Variants in RANBP3L observed in about 807,000 individuals in gnomAD.
The protein encoded by RANBP3L is ran-binding protein 3-like.
RANBP3L carries 56 observed loss-of-function variants against 67.2 expected under a neutral mutation model. The ratio of observed to expected loss-of-function variants is 0.83; its 90% CI spans 0.67 to 1.04. RANBP3L has a LOEUF of 1.04. Among genes scored for constraint, RANBP3L ranks in the 50% least tolerant of loss-of-function variants. The pLI is 0.00. For missense variants in RANBP3L, 496 were observed against 535.5 expected, an observed-to-expected ratio of 0.93 and a Z score of 0.73; for synonymous variants, 164 against 181.4, an observed-to-expected ratio of 0.90 and a Z score of 0.77.
At chr5:36,271,124 G>T in intron 2 of RANBP3L, 129 bp downstream of exon 2, 1 of 644,322 alleles carries the variant, frequency 1.6e-6, no homozygotes, top group Non-Finnish European at 2.8e-6. Context: ...AAATAATCTG[G>T]AGGCACTACT....
In RANBP3L at chr5:36,249,680, GAGT is replaced by G; in HGVS notation, c.1369_1371del (p.Thr457del). 6.4e-7 allele frequency: 1 copy of G among 1,556,460 alleles called. No homozygotes were observed. The highest frequency in any genetic ancestry group is 8.8e-7 in the Non-Finnish European group (1 of 1,138,514). ...CATGAACAGGCAACCGACTGTCTGT[GAGT>G]CCAACTAGAAGGATCTGTGATATAA... On this transcript the variant is annotated inframe_deletion, in exon 14 of 14. Transcript: ENST00000296604.
rs747744843 is a variant in RANBP3L, at chr5:36,266,272, TCTG to T, written c.269-755_269-753del. On this transcript the variant is annotated intron_variant, in intron 4 of 13. Transcript: ENST00000296604. ...TGAAGAAAGAAGTAAAGATGACAAATCTGCTAAGTTATTTTTCTACAAACATGT... is the reference window on the plus strand; with the variant it reads ...TGAAGAAAGAAGTAAAGATGACAAATCTAAGTTATTTTTCTACAAACATGT... Among the ~76,000 whole-genome samples, 11 of 152,252 alleles carry T rather than the reference TCTG, an allele frequency of 7.2e-5. No individual in the cohort carries two copies. The South Asian group carries it at 2.1e-3, about 29-fold the overall frequency.
Position 36,266,592 on chromosome 5 carries a change from T to C in RANBP3L, c.269-1072A>G, listed in dbSNP as rs888934101. On this transcript the variant is annotated intron_variant, in intron 4 of 13. Transcript: ENST00000296604. ...AACACCACTAACATTCTGCACAACA[T>C]AAAACAGAATGATAATCTTTCTTTT... Among the ~76,000 whole-genome samples the C allele has an allele frequency of 6.6e-5, 10 of 152,154 alleles. 1 individual carries two copies. The highest frequency in any genetic ancestry group is 3.8e-4 in the East Asian group (2 of 5,202).
intron 12 of RANBP3L, 23 bp downstream of exon 12, chr5:36,253,624 T>C (rs777427665): frequency 3.9e-5 from 60 of 1,554,442 alleles, no homozygotes; most frequent in Non-Finnish European, 4.7e-5. Context: ...GATAATCTTC[T>C]ATCACTGAAA....
intron 1 of RANBP3L, among the ~76,000 whole-genome samples, chr5:36,283,988 C>CA (rs1554019037): frequency 1.4e-5 from 2 of 145,600 alleles, no homozygotes; most frequent in Admixed American, 6.9e-5. Flanking sequence ...TCCTCACTTC[C>CA]TTTTTTTTTT....
At chr5:36,256,672 A>G (rs1748997041) in intron 10 of RANBP3L, 2 of 400,170 alleles carry the variant, frequency 5.0e-6, no homozygotes, top group Admixed American at 8.7e-5. Context: ...CAAGTATTAA[A>G]GCAGGATACT....
intron 5 of RANBP3L, 77 bp downstream of exon 5, chr5:36,265,372 C>A (rs573044938): frequency 1.4e-5 from 13 of 926,960 alleles, no homozygotes; most frequent in Non-Finnish European, 2.2e-5. Flanking sequence ...CCCCAACACA[C>A]GCACACATAT....
intron 11 of RANBP3L, among the ~76,000 whole-genome samples, chr5:36,255,192 TATTCC>T (rs1748881441): frequency 6.6e-6 from 1 of 152,148 alleles, no homozygotes; most frequent in African/African-American, 2.4e-5. Flanking sequence ...GAACTACAGT[TATTCC>T]CATTTTAAAT....
At chr5:36,297,463 T>C (rs1263082963) in intron 1 of RANBP3L, among the ~76,000 whole-genome samples, 1 of 147,072 alleles carries the variant, frequency 6.8e-6, no homozygotes, top group African/African-American at 2.5e-5. Flanking sequence ...ACACACATCC[T>C]ATTGGTTCTG....
At chr5:36,294,443 G>C (rs1752040925) in intron 1 of RANBP3L, among the ~76,000 whole-genome samples, 1 of 151,906 alleles carries the variant, frequency 6.6e-6, no homozygotes, top group Admixed American at 6.6e-5. Context: ...CCCTCTGCTA[G>C]CTTTTGAATG....
chr5:36,264,907 A>C, intron 6 of RANBP3L, 52 bp downstream of exon 6: 1 of 1,560,636 alleles, frequency 6.4e-7, no homozygotes, highest in Admixed American at 1.9e-5. Context: ...AACAACCTGC[A>C]AAAAGAAAGA....
chr5:36,280,763 G>A (rs1229630304), intron 1 of RANBP3L, among the ~76,000 whole-genome samples: 1 of 152,054 alleles, frequency 6.6e-6, no homozygotes, highest in Non-Finnish European at 1.5e-5. Flanking sequence ...GACTATCACA[G>A]CATGCTCCAT....
In RANBP3L at chr5:36,264,968, TG is replaced by T; in HGVS notation, c.470del (p.Thr157LysfsTer13). ...ALESCKTKEK[T>X]NNKISEGNSY... is the part of the protein sequence containing the mutation. ...TCCTGGGCTTTCTCACCTTATTATT[TG>T]TTTTTTCTTTAGTCTTGCAAGATTC... On this transcript the variant is annotated frameshift_variant, in exon 6 of 14. Coordinates refer to ENST00000296604, the MANE Select transcript of RANBP3L (RefSeq NM_145000.5). LOFTEE classifies it high-confidence loss of function. 6.2e-7 allele frequency: 1 copy of T among 1,612,500 alleles called. No individual in the cohort carries two copies. The highest frequency in any genetic ancestry group is 8.5e-7 in the Non-Finnish European group (1 of 1,179,568).
intron 1 of RANBP3L, among the ~76,000 whole-genome samples, chr5:36,285,097 A>C (rs895611155): frequency 6.6e-6 from 1 of 152,200 alleles, no homozygotes; most frequent in East Asian, 1.9e-4. Flanking sequence ...GAAATGAGCT[A>C]ATACATCAAA....
At chr5:36,266,130 G>C (rs1749767947) in intron 4 of RANBP3L, among the ~76,000 whole-genome samples, 1 of 151,958 alleles carries the variant, frequency 6.6e-6, no homozygotes, top group South Asian at 2.1e-4. Context: ...AAATTCTACA[G>C]ACTACAAAAT....
chr5:36,295,004 T>G (rs1173506920), intron 1 of RANBP3L, among the ~76,000 whole-genome samples: 2 of 151,206 alleles, frequency 1.3e-5, no homozygotes, highest in East Asian at 3.9e-4. Flanking sequence ...ATACACACCA[T>G]ATTTTGTTGA....
At position 36,251,351 on chromosome 5, in the gene RANBP3L, T is replaced by C. The variant is rs1050619263; in HGVS notation, c.1316A>G (p.Asn439Ser). The change falls in exon 13 of 14, where the codon AAT becomes AGT. Residue 439 changes from asparagine to serine, a missense_variant. By Grantham distance (46) the Asn-to-Ser change is conservative. Coordinates refer to ENST00000296604, the MANE Select transcript of RANBP3L (RefSeq NM_145000.5). Reference protein sequence around the residue: ...QQLNCESCDENEDDFIQVTKN... With the variant: ...QQLNCESCDESEDDFIQVTKN... ...AGTGACTTGGATGAAATCATCCTCA[T>C]TCTCATCACAGCTTTCGCAGTTCAA... 1 of 1,613,304 alleles carries C rather than the reference T, an allele frequency of 6.2e-7. No individual in the cohort carries two copies. The highest frequency in any genetic ancestry group is 1.3e-5 in the African/African-American group (1 of 75,020).
intron 1 of RANBP3L, among the ~76,000 whole-genome samples, chr5:36,289,656 T>C (rs746145464): frequency 1.3e-5 from 2 of 152,172 alleles, no homozygotes; most frequent in Non-Finnish European, 2.9e-5. Context: ...AAATGAGTAC[T>C]CTAATATTTT....
At chr5:36,284,124 C>A (rs1751169571) in intron 1 of RANBP3L, among the ~76,000 whole-genome samples, 1 of 152,140 alleles carries the variant, frequency 6.6e-6, no homozygotes, top group Admixed American at 6.6e-5. Flanking sequence ...GCTCACTTCC[C>A]ATTTTAAACC....
Sources: gnomAD v4.1 joint callset for allele counts (sites outside exome capture counted in the v4.1 genomes callset) on GRCh38, gnomAD v4.1.1 for gene constraint, MANE v1.5 for transcripts, NCBI Gene and HGNC (gene_info 2026-07-23, HGNC 2026-07-21) for gene names.